The following PPP4R3B variants were observed in gnomAD, a reference collection of about 807,000 sequenced individuals.
The protein encoded by PPP4R3B is protein phosphatase 4 regulatory subunit 3B.
A neutral mutation model predicts 95.4 loss-of-function variants in PPP4R3B; 52 were observed. That is an observed-to-expected ratio of 0.54 (90% CI 0.44 to 0.69). The LOEUF (loss-of-function observed/expected upper bound fraction) is 0.69. Ranked by LOEUF, PPP4R3B falls within the 30% of genes least tolerant of loss-of-function variation. The probability of loss-of-function intolerance (pLI) is 0.00; values close to 1 mark genes in which losing one functional copy is unlikely to be tolerated. For missense variants in PPP4R3B, 1,003 were observed against 1,005.9 expected, an observed-to-expected ratio of 1.00 and a Z score of 0.04; for synonymous variants, 407 against 343.9, an observed-to-expected ratio of 1.18 and a Z score of -2.03.
intron 15 of PPP4R3B, among the ~76,000 whole-genome samples, chr2:55,559,873 G>A (rs1686367314): frequency 6.6e-6 from 1 of 152,190 alleles, no homozygotes; most frequent in East Asian, 1.9e-4. Flanking sequence ...TGTAATCCCA[G>A]CACTTTGGGT....
intron 9 of PPP4R3B, among the ~76,000 whole-genome samples, chr2:55,579,432 C>T (rs72803561): frequency 1.1e-4 from 17 of 151,640 alleles, no homozygotes; most frequent in African/African-American, 3.4e-4. Flanking sequence ...GTGGTCTACA[C>T]GTTCAGAGAA....
At chr2:55,552,113 CTTATA>C (rs561130734) in intron 16 of PPP4R3B, among the ~76,000 whole-genome samples, 47 of 152,210 alleles carry the variant, frequency 3.1e-4, no homozygotes, top group Admixed American at 1.6e-3. Flanking sequence ...TTGAGTTTTA[CTTATA>C]TTATCTCTGC....
intron 16 of PPP4R3B, among the ~76,000 whole-genome samples, chr2:55,555,630 G>A (rs1028259381): frequency 3.3e-5 from 5 of 152,110 alleles, no homozygotes; most frequent in Non-Finnish European, 5.9e-5. Flanking sequence ...ATTCTATACA[G>A]AAATACACAC....
intron 15 of PPP4R3B, among the ~76,000 whole-genome samples, chr2:55,563,303 AG>A (rs1558953064): frequency 6.6e-6 from 1 of 152,282 alleles, no homozygotes; most frequent in South Asian, 2.1e-4. Flanking sequence ...AATTGTCTTT[AG>A]AAAATGTCAC....
chr2:55,568,832 A>G (rs186421979), intron 12 of PPP4R3B, among the ~76,000 whole-genome samples: 1 of 152,332 alleles, frequency 6.6e-6, no homozygotes. Context: ...ACCATGAGCT[A>G]AGATTGCCTT....
Position 55,549,822 on chromosome 2 carries a change from A to T in PPP4R3B, c.*89T>A, listed in dbSNP as rs1251549661. On this transcript the variant is annotated 3_prime_UTR_variant, in exon 17 of 17. Coordinates refer to ENST00000616407, the MANE Select transcript of PPP4R3B (RefSeq NM_001122964.3). ...ACTCCTTGTATATTTTATAAGTTCA[A>T]TTGAGAAAGCTTTCTGATTCAGATT... 8.4e-5 allele frequency: 83 copies of T among 988,316 alleles called. 1 individual carries two copies. The Admixed American group carries it at 1.5e-3, about 18-fold the overall frequency. 61.2% of individuals were successfully genotyped at this position (988,316 alleles called of 1,614,324 possible). A position where few individuals can be genotyped will look rare whatever the true frequency, so the allele number is the denominator to read the frequency against.
intron 4 of PPP4R3B, among the ~76,000 whole-genome samples, chr2:55,590,874 A>G (rs968882528): frequency 1.7e-4 from 26 of 152,164 alleles, no homozygotes; most frequent in Non-Finnish European, 4.4e-5. Flanking sequence ...TAAAAAATGA[A>G]TAGAAACCAC....
chr2:55,572,694 C>T (rs1438096027), intron 12 of PPP4R3B, among the ~76,000 whole-genome samples: 1 of 151,948 alleles, frequency 6.6e-6, no homozygotes, highest in African/African-American at 2.4e-5. Context: ...CTTACCAATC[C>T]CATTATTGAG....
At chr2:55,577,237 TTA>T (rs1264806597) in intron 11 of PPP4R3B, 76 bp downstream of exon 11, 11 of 1,464,552 alleles carry the variant, frequency 7.5e-6, no homozygotes, top group Non-Finnish European at 9.9e-6. Context: ...TTTCTTAGCC[TTA>T]TATAAGTGCA....
At chr2:55,555,138 G>A (rs1291480246) in intron 16 of PPP4R3B, among the ~76,000 whole-genome samples, 1 of 152,078 alleles carries the variant, frequency 6.6e-6, no homozygotes, top group Non-Finnish European at 1.5e-5. Context: ...AAATTAGCCA[G>A]GCGTGGTGGT....
chr2:55,576,425 C>A (rs1047117087), intron 11 of PPP4R3B, among the ~76,000 whole-genome samples: 22 of 149,346 alleles, frequency 1.5e-4, no homozygotes, highest in African/African-American at 5.4e-4. Flanking sequence ...ACCCTCAATG[C>A]TGTATGTGGA....
At chr2:55,599,686 C>T (rs1036643562) in intron 3 of PPP4R3B, among the ~76,000 whole-genome samples, 11 of 152,192 alleles carry the variant, frequency 7.2e-5, no homozygotes, top group African/African-American at 2.7e-4. Context: ...AATAAATCCA[C>T]ACTATCAATA....
chr2:55,551,312 T>C (rs1411348280), intron 16 of PPP4R3B, among the ~76,000 whole-genome samples: 1 of 151,930 alleles, frequency 6.6e-6, no homozygotes, highest in Non-Finnish European at 1.5e-5. Context: ...CACTCTAGCC[T>C]GGGCAACAGA....
intron 13 of PPP4R3B, 101 bp downstream of exon 13, chr2:55,568,093 T>C: frequency 5.3e-6 from 4 of 748,990 alleles, no homozygotes; most frequent in Non-Finnish European, 7.6e-6. Context: ...ATTTCAGGGG[T>C]GAAAAGGGAA....
In PPP4R3B at chr2:55,564,375, T is replaced by C; in HGVS notation, c.2198A>G (p.Glu733Gly). ...AAAATCATCTTCTGGCTTAGGTTTT[T>C]CCACTGGTGCCACAACTGCTTTTCC... ...EEGKAVVAPVEKPKPEDDFPD... is the reference protein window; with the variant it reads ...EEGKAVVAPVGKPKPEDDFPD... Residue 733 changes from glutamate (E) to glycine (G), a missense_variant, in exon 15 of 17, where the codon GAA becomes GGA. Glu to Gly is a moderately conservative substitution (Grantham distance 98). Coordinates refer to ENST00000616407, the MANE Select transcript of PPP4R3B (RefSeq NM_001122964.3). The C allele has an allele frequency of 6.2e-7, 1 of 1,613,938 alleles. No homozygotes were observed. The highest frequency in any genetic ancestry group is 8.5e-7 in the Non-Finnish European group (1 of 1,179,916).
chr2:55,605,494 T>C (rs1186390770), intron 2 of PPP4R3B, among the ~76,000 whole-genome samples: 3 of 152,214 alleles, frequency 2.0e-5, no homozygotes, highest in African/African-American at 7.2e-5. Flanking sequence ...TTATTTTCTG[T>C]GTAATCAGGT....
intron 3 of PPP4R3B, among the ~76,000 whole-genome samples, chr2:55,601,466 C>T (rs1456267905): frequency 1.3e-5 from 2 of 151,844 alleles, no homozygotes; most frequent in Non-Finnish European, 2.9e-5. Context: ...CTGCAAGCTC[C>T]GCCTCCCAGG....
chr2:55,601,019 C>T (rs780692871), intron 3 of PPP4R3B, among the ~76,000 whole-genome samples: 4 of 151,670 alleles, frequency 2.6e-5, no homozygotes, highest in Non-Finnish European at 4.4e-5. Context: ...TGGTGGCGCA[C>T]GCCTGTAGTC....
chr2:55,587,005 CT>C (rs1180979076), intron 5 of PPP4R3B, among the ~76,000 whole-genome samples: 1 of 152,120 alleles, frequency 6.6e-6, no homozygotes, highest in Non-Finnish European at 1.5e-5. Context: ...TCATAAGCTG[CT>C]TTTTTCCTTT....
Sources: allele counts gnomAD v4.1 joint callset (sites outside exome capture counted in the v4.1 genomes callset), GRCh38; gene constraint gnomAD v4.1.1; transcripts MANE v1.5; gene names NCBI Gene and HGNC (gene_info 2026-07-23, HGNC 2026-07-21).